OXNAD1: variants seen among roughly 807,000 people sequenced by gnomAD.
OXNAD1 encodes the protein oxidoreductase NAD-binding domain-containing protein 1.
OXNAD1 carries 34 observed loss-of-function variants against 32.9 expected under a neutral mutation model. The observed-to-expected ratio is 1.03, with a 90% CI of 0.79 to 1.38. OXNAD1 has a LOEUF of 1.38. OXNAD1 is among the 40% of genes most tolerant of loss of function. The pLI is 0.00. For missense variants in OXNAD1, 407 were observed against 379.4 expected, an observed-to-expected ratio of 1.07 and a Z score of -0.60; for synonymous variants, 134 against 135.2, an observed-to-expected ratio of 0.99 and a Z score of 0.06.
Position 16,280,305 on chromosome 3 carries a change from C to G in OXNAD1, c.184-6037C>G, listed in dbSNP as rs1390437085. 6.6e-6 allele frequency among the ~76,000 whole-genome samples: 1 copy of G among 152,124 alleles called. No homozygotes were observed. The highest frequency in any genetic ancestry group is 2.4e-5 in the African/African-American group (1 of 41,406). On this transcript the variant is annotated intron_variant, in intron 4 of 8. Transcript: ENST00000285083. The surrounding 1 kb of genome is among the most constrained non-coding windows in gnomAD (Gnocchi z 4.5). ...CGGAGAGGAGACCAGCCCAGGTGGA[C>G]AGGTTAGCCTTTGGTAGGAGTAAAG...
rs1000820533 is a variant in OXNAD1 at position 16,271,121 on chromosome 3, C to A, written c.119+50C>A. On this transcript the variant is annotated intron_variant, in intron 3 of 8. Transcript: ENST00000285083. This position sits in a 1 kb window ranked among gnomAD's most constrained non-coding sequence, Gnocchi z 4.6. ...ATTTGAAGTTAATTTTCAAAGAGAC[C>A]CGACCTGCTGATGGTTGTGGGAGGC... is the stretch of plus-strand genomic sequence containing the variant. 36 of 1,594,860 alleles carry A rather than the reference C, an allele frequency of 2.3e-5. No homozygotes were observed. The highest frequency in any genetic ancestry group is 3.1e-5 in the Non-Finnish European group (36 of 1,167,190).
rs1358709061 is a variant in OXNAD1 at position 16,304,091 on chromosome 3, A to T, written c.*529A>T. On this transcript the variant is annotated 3_prime_UTR_variant, in exon 9 of 9. Coordinates refer to ENST00000285083, the MANE Select transcript of OXNAD1 (RefSeq NM_138381.5). This position sits in a 1 kb window ranked among gnomAD's most constrained non-coding sequence, Gnocchi z 4.6. ...TGGTCCATCAAAGTTAAGTTTGGAC[A>T]TGGAAAATTGTTAGGAAAACTGCTT... 1 of 152,330 alleles carries T rather than the reference A, an allele frequency of 6.6e-6. No individual in the cohort carries two copies. The highest frequency in any genetic ancestry group is 1.9e-4 in the East Asian group (1 of 5,208). The allele number at this position is 152,330 out of a possible 1,614,324, so 9.4% of individuals were successfully genotyped here. A position where few individuals can be genotyped will look rare whatever the true frequency, so the allele number is the denominator to read the frequency against.
rs1185135043 is a variant in OXNAD1, at chr3:16,322,490, G to A, written c.*31-14622G>A. ...CCGAGCAGGTCAGGCAGGCCCTGCC[G>A]AGAATGTGGCCTCAGCCATCAAAGG... On this transcript the variant is annotated intron_variant, in intron 9 of 9. Transcript: ENST00000435829. This position sits in a 1 kb window ranked among gnomAD's most constrained non-coding sequence, Gnocchi z 6.2. Among the ~76,000 whole-genome samples, 4 of 152,334 alleles carry A rather than the reference G, an allele frequency of 2.6e-5. No homozygotes were observed. The highest frequency in any genetic ancestry group is 1.3e-4 in the Admixed American group (2 of 15,298).
intron 6 of OXNAD1, among the ~76,000 whole-genome samples, chr3:16,296,117 C>G (rs1347892753): frequency 6.6e-6 from 1 of 152,148 alleles, no homozygotes; most frequent in Non-Finnish European, 1.5e-5. Context: ...CAGCAAGGTT[C>G]AGTTAGGAGA....
downstream of OXNAD1, among the ~76,000 whole-genome samples, chr3:16,341,292 C>T (rs2071302716): frequency 6.6e-6 from 1 of 152,220 alleles, no homozygotes; most frequent in South Asian, 2.1e-4. The surrounding 1 kb of genome is among the most constrained non-coding windows in gnomAD (Gnocchi z 4.7). Context: ...ATCCAGCAAT[C>T]ATACTCCTTG....
chr3:16,345,798 G>C lies in OXNAD1; in HGVS notation c.*31-3378G>C, dbSNP rs2071627330. 2.4e-5 allele frequency among the ~76,000 whole-genome samples: 2 copies of C among 83,692 alleles called. No homozygotes were observed. The highest frequency in any genetic ancestry group is 2.2e-4 in the Admixed American group (2 of 9,168). 54.9% of individuals were successfully genotyped at this position (83,692 alleles called of 152,430 possible). ...CCTTATAATAAATCTCTGTGTGTGT[G>C]TGTGTGTGTGTGTGTGTGTGCGCGC... On this transcript the variant is annotated intron_variant, in intron 9 of 9. Transcript: ENST00000606098. The surrounding 1 kb of genome is among the most constrained non-coding windows in gnomAD (Gnocchi z 5.2).
chr3:16,290,251 A>G lies in OXNAD1; in HGVS notation c.290+3803A>G, dbSNP rs2066342395. Among the ~76,000 whole-genome samples the G allele has an allele frequency of 6.6e-6, 1 of 152,226 alleles. No individual in the cohort carries two copies. The highest frequency in any genetic ancestry group is 1.9e-4 in the East Asian group (1 of 5,200). Reference sequence around the variant, plus strand: ...ATGGCTCCAAGAGTGCTCATCCTGCAAAGGACATTTTTAAAGGTGTGTGTT... The same window carrying G: ...ATGGCTCCAAGAGTGCTCATCCTGCGAAGGACATTTTTAAAGGTGTGTGTT... On this transcript the variant is annotated intron_variant, in intron 5 of 8. Coordinates refer to ENST00000285083, the MANE Select transcript of OXNAD1 (RefSeq NM_138381.5). This position sits in a 1 kb window ranked among gnomAD's most constrained non-coding sequence, Gnocchi z 4.2.
chr3:16,332,417 CT>C (rs34563846), intron 9 of OXNAD1, among the ~76,000 whole-genome samples: 82,903 of 148,434 alleles, frequency 0.56, 23,461 homozygotes, highest in Non-Finnish European at 0.63. Flanking sequence ...TTGATTGCTT[CT>C]TTTTTTTTTT....
chr3:16,329,432 G>A lies in OXNAD1; in HGVS notation c.*31-7680G>A, dbSNP rs74626224. ...GGAGAGAGAGGTACAAGAATAATCC[G>A]TTTACAGGTGGGGCCAGGAGAGAAT... On this transcript the variant is annotated intron_variant, in intron 9 of 9. Transcript: ENST00000435829. The surrounding 1 kb of genome is among the most constrained non-coding windows in gnomAD (Gnocchi z 4.5). Among the ~76,000 whole-genome samples, 21 of 152,318 alleles carry A rather than the reference G, an allele frequency of 1.4e-4. No individual in the cohort carries two copies. Among genetic ancestry groups the A allele is most frequent in the East Asian group, 7.7e-4 (4 of 5,190 alleles).
chr3:16,302,770 T>A lies in OXNAD1; in HGVS notation c.784+22T>A. 1 of 1,551,004 alleles carries A rather than the reference T, an allele frequency of 6.4e-7. No individual in the cohort carries two copies. The highest frequency in any genetic ancestry group is 8.9e-7 in the Non-Finnish European group (1 of 1,125,386). On this transcript the variant is annotated intron_variant, in intron 8 of 8. Transcript: ENST00000285083. The surrounding 1 kb of genome is among the most constrained non-coding windows in gnomAD (Gnocchi z 4.2). ...ACGGGTGAGTCCCCTAAAGATATTT[T>A]GACTATCTCCATGCAGTTATTTGAT...
At chr3:16,338,057 T>C (rs1180361713), downstream of OXNAD1, among the ~76,000 whole-genome samples, 1 of 152,240 alleles carries the variant, frequency 6.6e-6, no homozygotes, top group East Asian at 1.9e-4. This position sits in a 1 kb window ranked among gnomAD's most constrained non-coding sequence, Gnocchi z 5.3. Context: ...CATGCCAAGC[T>C]GGCAAGAAAA....
chr3:16,306,354 C>T (rs1008410805), downstream of OXNAD1, among the ~76,000 whole-genome samples: 1 of 152,132 alleles, frequency 6.6e-6, no homozygotes, highest in Non-Finnish European at 1.5e-5. Flanking sequence ...CAAGCAAAGC[C>T]TAGCAATTGT....
chr3:16,280,386 G>A lies in OXNAD1; in HGVS notation c.184-5956G>A, dbSNP rs564372418. Among the ~76,000 whole-genome samples the A allele has an allele frequency of 1.3e-5, 2 of 152,296 alleles. No homozygotes were observed. The highest frequency in any genetic ancestry group is 4.1e-4 in the South Asian group (2 of 4,830). On this transcript the variant is annotated intron_variant, in intron 4 of 8. Transcript: ENST00000285083. The surrounding 1 kb of genome is among the most constrained non-coding windows in gnomAD (Gnocchi z 4.5). Reference sequence around the variant, plus strand: ...TTAACCAGCATAAGCCATTTAAGAAGTTAAATTGTGTGGTTGACGGAGAAT... The same window carrying A: ...TTAACCAGCATAAGCCATTTAAGAAATTAAATTGTGTGGTTGACGGAGAAT...
chr3:16,285,067 A>G (rs1445750185), intron 4 of OXNAD1, among the ~76,000 whole-genome samples: 1 of 152,208 alleles, frequency 6.6e-6, no homozygotes, highest in African/African-American at 2.4e-5. Context: ...AAATTACCCC[A>G]GTTGATTTTT....
At chr3:16,269,374 A>T (rs2064771495) in intron 2 of OXNAD1, 99 bp downstream of exon 2, 2 of 1,303,502 alleles carry the variant, frequency 1.5e-6, no homozygotes, top group Non-Finnish European at 2.1e-6. Flanking sequence ...AATGAGGTTG[A>T]AGAGGCCTTC....
At chr3:16,278,228 A>G (rs2065485880) in intron 4 of OXNAD1, among the ~76,000 whole-genome samples, 1 of 152,244 alleles carries the variant, frequency 6.6e-6, no homozygotes, top group Non-Finnish European at 1.5e-5. Context: ...TGGGACTCTG[A>G]TCAGAAGACT....
At position 16,268,627 on chromosome 3, in the gene OXNAD1, G is replaced by A. The variant is rs150561924; in HGVS notation, c.-158-499G>A. ...ATTACAGATATGAGCCACTGTGCCC[G>A]GGAAGAACTACTTTTAAAATTAACA... is the stretch of plus-strand genomic sequence containing the variant. On this transcript the variant is annotated intron_variant, in intron 1 of 8. Coordinates refer to ENST00000285083, the MANE Select transcript of OXNAD1 (RefSeq NM_138381.5). Among the ~76,000 whole-genome samples the A allele has an allele frequency of 4.8e-3, 728 of 152,084 alleles. 13 individuals carry two copies. The highest frequency in any genetic ancestry group is 9.7e-3 in the East Asian group (50 of 5,176).
rs374350928 is a variant in OXNAD1 at position 16,302,781 on chromosome 3, A to G, written c.784+33A>G. 5 of 1,503,416 alleles carry G rather than the reference A, an allele frequency of 3.3e-6. No individual in the cohort carries two copies. In the African/African-American group the frequency reaches 6.9e-5, roughly 21 times the overall value. 93.1% of individuals were successfully genotyped at this position (1,503,416 alleles called of 1,614,324 possible). A position where few individuals can be genotyped will look rare whatever the true frequency, so the allele number is the denominator to read the frequency against. On this transcript the variant is annotated intron_variant, in intron 8 of 8. Transcript: ENST00000285083. This position sits in a 1 kb window ranked among gnomAD's most constrained non-coding sequence, Gnocchi z 4.2. ...CCCTAAAGATATTTTGACTATCTCC[A>G]TGCAGTTATTTGATGGACACACCAG...
At position 16,321,939 on chromosome 3, in the gene OXNAD1, GTC is replaced by G. The variant is rs994922585; in HGVS notation, c.*31-15168_*31-15167del. Among the ~76,000 whole-genome samples the G allele has an allele frequency of 6.6e-6, 1 of 152,280 alleles. No individual in the cohort carries two copies. Among genetic ancestry groups the G allele is most frequent in the African/African-American group, 2.4e-5 (1 of 41,562 alleles). ...CCTTCACACCAACATCCAACCACAT[GTC>G]TCTCCTTTGGAATCTGTGTGCCCCA... On this transcript the variant is annotated intron_variant, in intron 9 of 9. Transcript: ENST00000435829. The surrounding 1 kb of genome is among the most constrained non-coding windows in gnomAD (Gnocchi z 4.8).
Sources: allele counts gnomAD v4.1 joint callset (sites outside exome capture counted in the v4.1 genomes callset), GRCh38; gene constraint gnomAD v4.1.1; non-coding constraint Gnocchi (gnomAD v3.1); transcripts MANE v1.5; gene names NCBI Gene and HGNC (gene_info 2026-07-23, HGNC 2026-07-21).